The following FAT3 variants were observed in gnomAD, a reference collection of about 807,000 sequenced individuals.
The protein encoded by FAT3 is FAT atypical cadherin 3, also known as protocadherin Fat 3.
A neutral mutation model predicts 310.2 loss-of-function variants in FAT3; 95 were observed. The observed-to-expected ratio is 0.31, with a 90% CI of 0.26 to 0.36. The LOEUF is 0.36. Among genes scored for constraint, FAT3 ranks in the 10% least tolerant of loss-of-function variants. FAT3 has a pLI of 1.00. For missense variants in FAT3, 5,408 were observed against 5,715.6 expected, an observed-to-expected ratio of 0.95 and a Z score of 1.74; for synonymous variants, 2,314 against 2,192.9, an observed-to-expected ratio of 1.06 and a Z score of -1.54.
At chr11:92,728,239 TTTTG>T (rs575197541) in intron 4 of FAT3, among the ~76,000 whole-genome samples, 8 of 152,218 alleles carry the variant, frequency 5.3e-5, no homozygotes, top group African/African-American at 1.9e-4. Context: ...GTTTTCTGTT[TTTTG>T]TTTGTTTGTT....
intron 4 of FAT3, among the ~76,000 whole-genome samples, chr11:92,712,822 G>A (rs1270185757): frequency 6.6e-6 from 1 of 152,128 alleles, no homozygotes; most frequent in African/African-American, 2.4e-5. Context: ...GTTGCCAGTT[G>A]GTAACACAAA....
In FAT3 at chr11:92,422,225, A is replaced by G. The variant is rs78263679; in HGVS notation, c.3292+66821A>G. On this transcript the variant is annotated intron_variant, in intron 2 of 27. Coordinates refer to ENST00000525166, the MANE Select transcript of FAT3 (RefSeq NM_001367949.2). ...ACAAGTTTGCTTTCTTTATTTCACA[A>G]CCTCTTTCCACAACAATTTTTCTCC... Among the ~76,000 whole-genome samples the G allele has an allele frequency of 2.1e-3, 316 of 152,116 alleles. 4 individuals are homozygous for G. The highest frequency in any genetic ancestry group is 6.8e-3 in the African/African-American group (282 of 41,498).
intron 21 of FAT3, among the ~76,000 whole-genome samples, chr11:92,862,159 A>G (rs1369871059): frequency 6.6e-6 from 1 of 152,242 alleles, no homozygotes; most frequent in African/African-American, 2.4e-5. Context: ...GAAGTTGGGT[A>G]GAGTAGAATA....
At chr11:92,372,638 C>A (rs757479597) in intron 2 of FAT3, among the ~76,000 whole-genome samples, 2 of 150,232 alleles carry the variant, frequency 1.3e-5, no homozygotes, top group Middle Eastern at 3.2e-3. Flanking sequence ...CAGCACTTTG[C>A]GTTCTTTGAT....
intron 3 of FAT3, among the ~76,000 whole-genome samples, chr11:92,530,318 C>A (rs1031687612): frequency 6.6e-6 from 1 of 151,986 alleles, no homozygotes; most frequent in African/African-American, 2.4e-5. Context: ...GTTGCTCTCT[C>A]CTGAGAGCCT....
intron 4 of FAT3, among the ~76,000 whole-genome samples, chr11:92,721,967 G>A (rs1455649057): frequency 1.3e-5 from 2 of 151,964 alleles, no homozygotes; most frequent in Admixed American, 6.6e-5. Flanking sequence ...CACACAACAC[G>A]TGGGAATTCA....
chr11:92,236,388 CT>C (rs896101886), intron 1 of FAT3, among the ~76,000 whole-genome samples: 6 of 151,324 alleles, frequency 4.0e-5, no homozygotes, highest in East Asian at 1.9e-4. Flanking sequence ...TCCCCCTCTC[CT>C]TTTTTTTTGT....
chr11:92,854,552 A>G (rs1948920918), intron 19 of FAT3, among the ~76,000 whole-genome samples: 1 of 152,270 alleles, frequency 6.6e-6, no homozygotes, highest in Non-Finnish European at 1.5e-5. Context: ...GACTGATGGT[A>G]AAAGAAAGGG....
At chr11:92,738,164 T>C (rs2136018014) in intron 4 of FAT3, among the ~76,000 whole-genome samples, 1 of 152,250 alleles carries the variant, frequency 6.6e-6, no homozygotes. Context: ...ATAATACAAA[T>C]ACATCATCAC....
chr11:92,672,999 T>G (rs1388984496), intron 3 of FAT3, among the ~76,000 whole-genome samples: 2 of 152,198 alleles, frequency 1.3e-5, no homozygotes, highest in African/African-American at 4.8e-5. Context: ...GATTCATGTA[T>G]TGATTCTGAG....
intron 1 of FAT3, among the ~76,000 whole-genome samples, chr11:92,287,276 A>T (rs1267734243): frequency 6.6e-6 from 1 of 152,144 alleles, no homozygotes; most frequent in Admixed American, 6.6e-5. Flanking sequence ...TTAATTTTTA[A>T]TAGAGGAATA....
At chr11:92,511,379 T>A (rs1011351664) in intron 2 of FAT3, among the ~76,000 whole-genome samples, 2 of 152,136 alleles carry the variant, frequency 1.3e-5, no homozygotes, top group Non-Finnish European at 2.9e-5. Flanking sequence ...GACTCTTCTT[T>A]TTTTTTTGTT....
At chr11:92,453,062 C>G (rs1216274230) in intron 2 of FAT3, among the ~76,000 whole-genome samples, 1 of 152,174 alleles carries the variant, frequency 6.6e-6, no homozygotes, top group Non-Finnish European at 1.5e-5. Flanking sequence ...GTGTGACCCT[C>G]TACACCTAGC....
At chr11:92,252,851 T>C (rs1304650052) in intron 1 of FAT3, among the ~76,000 whole-genome samples, 2 of 152,098 alleles carry the variant, frequency 1.3e-5, no homozygotes, top group Non-Finnish European at 2.9e-5. Flanking sequence ...AGTAGCAATA[T>C]GATTAATTAT....
chr11:92,360,452 G>A (rs4506607), intron 2 of FAT3, among the ~76,000 whole-genome samples: 44,132 of 152,128 alleles, frequency 0.29, 9,194 homozygotes, highest in African/African-American at 0.59. Flanking sequence ...CAATTTAATC[G>A]TATTTTTCCT....
At chr11:92,472,243 A>C (rs1294118226) in intron 2 of FAT3, among the ~76,000 whole-genome samples, 1 of 152,118 alleles carries the variant, frequency 6.6e-6, no homozygotes, top group South Asian at 2.1e-4. Context: ...AATAACAATC[A>C]TATGAACAAC....
At position 92,799,693 on chromosome 11, in the gene FAT3, C is replaced by T. The variant is rs755330133; in HGVS notation, c.6680C>T (p.Pro2227Leu). The stretch of plus-strand genomic sequence containing the variant: ...ATATATATCATTATCGATGGGGACC[C>T]TTTTAAACAGTTTAACATTGACTTT... ...GIIYIIIDGD[P>L]FKQFNIDFDT... The change falls in exon 10 of 28, where the codon CCT becomes CTT. Residue 2227 changes from proline (P) to leucine (L), a missense_variant. Coordinates refer to ENST00000525166, the MANE Select transcript of FAT3 (RefSeq NM_001367949.2). 1 of 1,613,338 alleles carries T rather than the reference C, an allele frequency of 6.2e-7. No homozygotes were observed. The highest frequency in any genetic ancestry group is 8.5e-7 in the Non-Finnish European group (1 of 1,179,646).
intron 9 of FAT3, among the ~76,000 whole-genome samples, chr11:92,797,461 T>TC (rs1195031423): frequency 6.6e-6 from 1 of 152,208 alleles, no homozygotes; most frequent in African/African-American, 2.4e-5. Context: ...TATGTGGGCT[T>TC]CCCAATCTAT....
chr11:92,715,126 C>T (rs887999874), intron 4 of FAT3, among the ~76,000 whole-genome samples: 1 of 151,766 alleles, frequency 6.6e-6, no homozygotes, highest in Non-Finnish European at 1.5e-5. Flanking sequence ...ATTAAATTGG[C>T]CGGGTGCGTT....
Sources: allele counts gnomAD v4.1 joint callset (sites outside exome capture counted in the v4.1 genomes callset), GRCh38; gene constraint gnomAD v4.1.1; transcripts MANE v1.5; gene names NCBI Gene and HGNC (gene_info 2026-07-23, HGNC 2026-07-21).